AUTS2: variants seen among roughly 807,000 people sequenced by gnomAD.
AUTS2 encodes activator of transcription and developmental regulator AUTS2.
A neutral mutation model predicts 112.4 loss-of-function variants in AUTS2; 17 were observed. The observed-to-expected ratio is 0.15, with a 90% CI of 0.10 to 0.23. The LOEUF (loss-of-function observed/expected upper bound fraction) is 0.23, where lower values mean the gene tolerates loss of function less well. AUTS2 is among the 10% of genes least tolerant of loss of function. The pLI is 1.00. For synonymous variants in AUTS2, 751 were observed against 702.7 expected, an observed-to-expected ratio of 1.07 and a Z score of -1.09; for missense variants, 1,510 against 1,701.6, an observed-to-expected ratio of 0.89 and a Z score of 1.98.
At chr7:70,701,285 G>A (rs1038921829) in intron 6 of AUTS2, among the ~76,000 whole-genome samples, 11 of 152,260 alleles carry the variant, frequency 7.2e-5, no homozygotes, top group African/African-American at 2.2e-4. Context: ...GGGCTGCACA[G>A]TGCGGAGATG....
Position 70,694,316 on chromosome 7 carries a change from C to G in AUTS2, c.691-4253C>G, listed in dbSNP as rs1808935474. On this transcript the variant is annotated intron_variant, in intron 5 of 18. Coordinates refer to ENST00000342771, the MANE Select transcript of AUTS2 (RefSeq NM_015570.4). The surrounding 1 kb of genome is among the most constrained non-coding windows in gnomAD (Gnocchi z 4.1). ...AGAGGCGCCGCCGCCCCGCGCCCCG[C>G]CGTTGCAGCGCCTCCTGGGCCGCGC... The G allele has an allele frequency of 6.7e-6, 1 of 150,180 alleles. No individual in the cohort carries two copies. The highest frequency in any genetic ancestry group is 2.1e-4 in the South Asian group (1 of 4,822). 9.3% of individuals were successfully genotyped at this position (150,180 alleles called of 1,614,324 possible).
At chr7:70,671,181 C>T (rs529513808) in intron 5 of AUTS2, among the ~76,000 whole-genome samples, 2 of 152,292 alleles carry the variant, frequency 1.3e-5, no homozygotes, top group Non-Finnish European at 2.9e-5. Context: ...GAGACTCCGT[C>T]TCAAAAAACA....
chr7:69,755,109 C>T (rs546081942), intron 1 of AUTS2, among the ~76,000 whole-genome samples: 111 of 152,302 alleles, frequency 7.3e-4, no homozygotes, highest in Non-Finnish European at 1.2e-3. Context: ...GGTCACCCAT[C>T]AAGTGGTTTG....
intron 5 of AUTS2, among the ~76,000 whole-genome samples, chr7:70,610,735 A>T (rs1392125534): frequency 6.6e-6 from 1 of 152,150 alleles, no homozygotes; most frequent in Non-Finnish European, 1.5e-5. Context: ...TTCCCTGATT[A>T]TTAGTGCCGT....
intron 1 of AUTS2, among the ~76,000 whole-genome samples, chr7:69,894,976 G>C (rs1427590568): frequency 6.6e-6 from 1 of 152,016 alleles, no homozygotes; most frequent in Non-Finnish European, 1.5e-5. Context: ...GCCATTCATT[G>C]ATCCCAAAAA....
chr7:69,997,852 A>G (rs1799016885), intron 2 of AUTS2, among the ~76,000 whole-genome samples: 1 of 152,146 alleles, frequency 6.6e-6, no homozygotes, highest in African/African-American at 2.4e-5. Context: ...AAATCGTATT[A>G]CCTGCAGGTT....
chr7:70,643,353 A>G (rs10262145), intron 5 of AUTS2, among the ~76,000 whole-genome samples: 47,602 of 152,162 alleles, frequency 0.31, 7,886 homozygotes, highest in Non-Finnish European at 0.38. Context: ...TGGGCAGATC[A>G]TGAAGTCAAG....
intron 1 of AUTS2, among the ~76,000 whole-genome samples, chr7:69,714,251 G>A (rs1392260986): frequency 2.4e-5 from 3 of 125,598 alleles, no homozygotes; most frequent in Non-Finnish European, 4.9e-5. Context: ...GTGTGTATAT[G>A]TGTGTGTGTG....
intron 1 of AUTS2, among the ~76,000 whole-genome samples, chr7:69,665,382 T>A (rs1795988455): frequency 6.7e-6 from 1 of 149,546 alleles, no homozygotes; most frequent in African/African-American, 2.5e-5. Flanking sequence ...GTCTAGGTAG[T>A]GATGCATTTT....
At chr7:70,468,601 C>A (rs1797257100) in intron 5 of AUTS2, among the ~76,000 whole-genome samples, 1 of 152,034 alleles carries the variant, frequency 6.6e-6, no homozygotes, top group South Asian at 2.1e-4. Context: ...GGCTGGGAGA[C>A]TAGAGGGGGG....
At chr7:70,340,477 A>C (rs1056460932) in intron 4 of AUTS2, among the ~76,000 whole-genome samples, 3 of 152,136 alleles carry the variant, frequency 2.0e-5, no homozygotes, top group African/African-American at 7.2e-5. Context: ...GAATAACCCC[A>C]AAAATGGTCC....
intron 4 of AUTS2, among the ~76,000 whole-genome samples, chr7:70,387,061 A>G (rs539538352): frequency 5.5e-4 from 84 of 152,198 alleles, no homozygotes; most frequent in African/African-American, 1.6e-3. Flanking sequence ...TCTTCAACCT[A>G]CAGTAATACT....
At chr7:69,627,348 A>T (rs1310935574) in intron 1 of AUTS2, among the ~76,000 whole-genome samples, 1 of 152,038 alleles carries the variant, frequency 6.6e-6, no homozygotes, top group Non-Finnish European at 1.5e-5. Flanking sequence ...AAAATTAGCC[A>T]GGCGTGGTGG....
At chr7:70,093,553 T>G (rs373432250) in intron 2 of AUTS2, among the ~76,000 whole-genome samples, 2 of 152,172 alleles carry the variant, frequency 1.3e-5, no homozygotes, top group Admixed American at 6.5e-5. Flanking sequence ...GATACATTTC[T>G]TATCAATTTA....
intron 2 of AUTS2, among the ~76,000 whole-genome samples, chr7:70,036,524 C>T (rs1405609997): frequency 6.6e-6 from 1 of 152,196 alleles, no homozygotes; most frequent in Non-Finnish European, 1.5e-5. Context: ...TTCCTAGTTT[C>T]CCACCTTGTT....
chr7:70,465,665 G>A (rs1467501732), intron 5 of AUTS2, among the ~76,000 whole-genome samples: 2 of 152,164 alleles, frequency 1.3e-5, no homozygotes, highest in African/African-American at 4.8e-5. Context: ...AAACCTGGGA[G>A]GTCATCAGGA....
intron 1 of AUTS2, among the ~76,000 whole-genome samples, chr7:69,803,998 C>T (rs1365631968): frequency 6.6e-6 from 1 of 152,190 alleles, no homozygotes; most frequent in East Asian, 1.9e-4. Context: ...CACCACAGCA[C>T]TCTAGCCTGG....
intron 2 of AUTS2, among the ~76,000 whole-genome samples, chr7:70,039,644 CG>C (rs1402042013): frequency 6.6e-6 from 1 of 152,244 alleles, no homozygotes; most frequent in African/African-American, 2.4e-5. Context: ...TCATTGCACC[CG>C]GCCTGAGCTA....
At chr7:70,431,993 A>G (rs1795691640) in intron 4 of AUTS2, among the ~76,000 whole-genome samples, 1 of 152,220 alleles carries the variant, frequency 6.6e-6, no homozygotes, top group Admixed American at 6.5e-5. Context: ...CCGGGTGACC[A>G]TGAATTCTTA....
Sources: gnomAD v4.1 joint callset for allele counts (sites outside exome capture counted in the v4.1 genomes callset) on GRCh38, gnomAD v4.1.1 for gene constraint, Gnocchi (gnomAD v3.1) non-coding constraint, MANE v1.5 for transcripts, NCBI Gene and HGNC (gene_info 2026-07-23, HGNC 2026-07-21) for gene names.